Variants in TYRO3 observed in about 807,000 individuals in gnomAD.
The protein encoded by TYRO3 is tyrosine-protein kinase receptor TYRO3.
TYRO3 carries 38 observed loss-of-function variants against 95.2 expected under a neutral mutation model. The observed-to-expected ratio is 0.40, with a 90% CI of 0.31 to 0.52. The LOEUF is 0.52. TYRO3 is among the 20% of genes least tolerant of loss of function. The pLI, the probability that TYRO3 is intolerant of heterozygous loss-of-function variation, is 0.56. For missense variants in TYRO3, 812 were observed against 1,116.4 expected, an observed-to-expected ratio of 0.73 and a Z score of 3.89; for synonymous variants, 367 against 432.9, an observed-to-expected ratio of 0.85 and a Z score of 1.89.
rs1433395738 is a variant in TYRO3, at chr15:41,561,140, G to A, written c.138G>A (p.Met46Ile). The change falls in exon 2 of 19, where the codon ATG becomes ATA. Residue 46 changes from methionine (M) to isoleucine (I), a missense_variant. Met to Ile is a conservative substitution (Grantham distance 10). Coordinates refer to ENST00000263798, the MANE Select transcript of TYRO3 (RefSeq NM_006293.4). Reference sequence around the variant, plus strand: ...CCCACCCCTCAGGTCTGAAGCTCATGGGAGCCCCGGTGAAGCTGACAGTGT... The same window carrying A: ...CCCACCCCTCAGGTCTGAAGCTCATAGGAGCCCCGGTGAAGCTGACAGTGT... ...PESAAAGLKL[M>I]GAPVKLTVSQ... The A allele has an allele frequency of 1.7e-5, 27 of 1,614,044 alleles. No individual in the cohort carries two copies. The Admixed American group carries it at 4.5e-4, about 27-fold the overall frequency.
intron 6 of TYRO3, 149 bp downstream of exon 6, chr15:41,565,290 G>T (rs1009505676): frequency 6.6e-6 from 4 of 609,272 alleles, no homozygotes; most frequent in African/African-American, 5.5e-5. Context: ...ACAGGCCACT[G>T]TCTCTTATCA....
At chr15:41,560,016 C>T (rs1207486055) in intron 1 of TYRO3, among the ~76,000 whole-genome samples, 1 of 152,210 alleles carries the variant, frequency 6.6e-6, no homozygotes, top group Admixed American at 6.5e-5. Flanking sequence ...GCACGGTGCT[C>T]TCCAAGTTCC....
At chr15:41,570,545 G>T (rs2055782315) in intron 11 of TYRO3, 59 bp from the exon 12 acceptor site, 1 of 1,434,520 alleles carries the variant, frequency 7.0e-7, no homozygotes, top group Non-Finnish European at 9.6e-7. Flanking sequence ...GGGTATAAGA[G>T]GCTGGGTTTT....
intron 3 of TYRO3, 60 bp from the exon 4 acceptor site, chr15:41,562,487 AT>A: frequency 6.9e-7 from 1 of 1,458,848 alleles, no homozygotes; most frequent in Non-Finnish European, 9.3e-7. Context: ...CAGACTTGTG[AT>A]TTGTACAGTA....
chr15:41,561,664 G>A lies in TYRO3; in HGVS notation c.409+25G>A, dbSNP rs371691806. 1.6e-4 allele frequency: 198 copies of A among 1,216,156 alleles called. 1 individual carries two copies. Among genetic ancestry groups the A allele is most frequent in the Non-Finnish European group, 2.0e-4 (174 of 864,094 alleles). The allele number at this position is 1,216,156 out of a possible 1,614,324, so 75.3% of individuals were successfully genotyped here. The stretch of plus-strand genomic sequence containing the variant: ...GGTGAGGAGGCAGAGCCATATGGGC[G>A]TGTTGGCCTGGAGCACGTGCTGTCT... On this transcript the variant is annotated intron_variant, in intron 3 of 18. Coordinates refer to ENST00000263798, the MANE Select transcript of TYRO3 (RefSeq NM_006293.4).
Position 41,559,384 on chromosome 15 carries a change from A to G in TYRO3, c.124+3A>G. Reference sequence around the variant, plus strand: ...GCTCCCGGAGTCCGCCGCCGCAGGTAGGGGCTGGCACGGGAGGCGGCGGGA... The same window carrying G: ...GCTCCCGGAGTCCGCCGCCGCAGGTGGGGGCTGGCACGGGAGGCGGCGGGA... On this transcript the variant is annotated splice_donor_region_variant and intron_variant, in intron 1 of 18. Transcript: ENST00000263798. The G allele has an allele frequency of 3.3e-6, 1 of 300,900 alleles. No individual in the cohort carries two copies. 18.6% of individuals were successfully genotyped at this position (300,900 alleles called of 1,614,324 possible). A position where few individuals can be genotyped will look rare whatever the true frequency, so the allele number is the denominator to read the frequency against.
chr15:41,567,006 CA>C (rs2055731732), intron 6 of TYRO3, among the ~76,000 whole-genome samples: 1 of 152,090 alleles, frequency 6.6e-6, no homozygotes. Flanking sequence ...TAAACAGGCA[CA>C]GTAAGTGGTA....
intron 7 of TYRO3, 99 bp downstream of exon 7, chr15:41,567,636 C>A: frequency 8.7e-7 from 1 of 1,153,686 alleles, no homozygotes; most frequent in Non-Finnish European, 1.1e-6. Context: ...GATGGAGGTT[C>A]AGGCATCATT....
Position 41,583,300 on chromosome 15 carries a change from T to G in TYRO3, c.*5024T>G, listed in dbSNP as rs1353810264. The G allele has an allele frequency of 1.3e-5, 2 of 152,104 alleles. No homozygotes were observed. The highest frequency in any genetic ancestry group is 1.9e-4 in the East Asian group (1 of 5,178). 9.4% of individuals were successfully genotyped at this position (152,104 alleles called of 1,614,324 possible). On this transcript the variant is annotated 3_prime_UTR_variant, in exon 19 of 19. Coordinates refer to ENST00000263798, the MANE Select transcript of TYRO3 (RefSeq NM_006293.4). The stretch of plus-strand genomic sequence containing the variant: ...CTTCAGCCACCGCGCCCGGCCCAGT[T>G]TTTAAGTGTTGTAGAGATGGAGTCT...
intron 4 of TYRO3, among the ~76,000 whole-genome samples, chr15:41,563,295 T>C (rs561253270): frequency 1.3e-5 from 2 of 152,204 alleles, no homozygotes; most frequent in Non-Finnish European, 2.9e-5. Flanking sequence ...CCCAAGTTTC[T>C]TGGGCACATA....
Position 41,568,248 on chromosome 15 carries a change from C to T in TYRO3, c.993C>T (p.Ala331=), listed in dbSNP as rs375950983. Residue 331 remains alanine, a synonymous_variant, in exon 8 of 19, where the codon GCC becomes GCT. Coordinates refer to ENST00000263798, the MANE Select transcript of TYRO3 (RefSeq NM_006293.4). ...APASAPQNLH[A]IRTDSGLILE... is the part of the protein sequence containing the mutation. ...CCAGCGCTCCCCAAAACCTCCATGCCATCCGCACAGATTCAGGCCTCATCT... is the reference window on the plus strand; with the variant it reads ...CCAGCGCTCCCCAAAACCTCCATGCTATCCGCACAGATTCAGGCCTCATCT... 20 of 1,612,860 alleles carry T rather than the reference C, an allele frequency of 1.2e-5. No homozygotes were observed. Among genetic ancestry groups the T allele is most frequent in the Non-Finnish European group, 1.6e-5 (19 of 1,180,010 alleles).
In TYRO3 at chr15:41,562,626, T is replaced by A; in HGVS notation, c.488T>A (p.Val163Glu). The change falls in exon 4 of 19, where the codon GTG (valine) becomes GAG (glutamate). Residue 163 changes from valine to glutamate, a missense_variant. Transcript: ENST00000263798. Reference protein sequence around the residue: ...NAPFQLSCEAVGPPEPVTIVW... With the variant: ...NAPFQLSCEAEGPPEPVTIVW... ...CCTTTCCAACTGTCTTGTGAGGCTG[T>A]GGGTCCCCCTGAACCTGTTACCATT... 2.5e-6 allele frequency: 4 copies of A among 1,614,062 alleles called. No individual in the cohort carries two copies. Among genetic ancestry groups the A allele is most frequent in the Non-Finnish European group, 3.4e-6 (4 of 1,180,052 alleles).
chr15:41,564,720 C>T, intron 5 of TYRO3: 1 of 408,652 alleles, frequency 2.4e-6, no homozygotes, highest in South Asian at 2.6e-5. Context: ...CCTGTCTCTC[C>T]CTTGTATCTC....
In TYRO3 at chr15:41,567,494, C is replaced by A; in HGVS notation, c.918C>A (p.Pro306=). Residue 306 remains proline, a synonymous_variant, in exon 7 of 19, where the codon CCC becomes CCA. Transcript: ENST00000263798. ...LRVRCANALG[P]SPYADWVPFQ... ...TGCGCTGTGCCAATGCCTTGGGGCC[C>A]TCTCCCTATGCTGACTGGGTGCCCT... The A allele has an allele frequency of 6.2e-7, 1 of 1,601,476 alleles. No individual in the cohort carries two copies. The highest frequency in any genetic ancestry group is 2.3e-5 in the East Asian group (1 of 43,210).
In TYRO3 at chr15:41,561,653, G is replaced by A; in HGVS notation, c.409+14G>A. On this transcript the variant is annotated intron_variant, in intron 3 of 18. Coordinates refer to ENST00000263798, the MANE Select transcript of TYRO3 (RefSeq NM_006293.4). ...TCACGGTAGAAGGTGAGGAGGCAGAGCCATATGGGCGTGTTGGCCTGGAGC... is the reference window on the plus strand; with the variant it reads ...TCACGGTAGAAGGTGAGGAGGCAGAACCATATGGGCGTGTTGGCCTGGAGC... 2.0e-6 allele frequency: 2 copies of A among 994,132 alleles called. No individual in the cohort carries two copies. Among genetic ancestry groups the A allele is most frequent in the Non-Finnish European group, 3.0e-6 (2 of 670,606 alleles). The allele number at this position is 994,132 out of a possible 1,614,324, so 61.6% of individuals were successfully genotyped here.
Position 41,568,966 on chromosome 15 carries a change from C to T in TYRO3, c.1196C>T (p.Ala399Val). ...ATCGTACGTGTGTGCGTCTCCAATGCAGTTGGCTGTGGACCCTGGAGTCAG... is the reference window on the plus strand; with the variant it reads ...ATCGTACGTGTGTGCGTCTCCAATGTAGTTGGCTGTGGACCCTGGAGTCAG... The part of the protein sequence containing the change: ...DLIVRVCVSN[A>V]VGCGPWSQPL... The change falls in exon 9 of 19, where the codon GCA (alanine) becomes GTA (valine). Residue 399 changes from alanine to valine, a missense_variant. Coordinates refer to ENST00000263798, the MANE Select transcript of TYRO3 (RefSeq NM_006293.4). 6.2e-7 allele frequency: 1 copy of T among 1,614,126 alleles called. No homozygotes were observed. Among genetic ancestry groups the T allele is most frequent in the Non-Finnish European group, 8.5e-7 (1 of 1,180,044 alleles).
chr15:41,560,955 C>T (rs769259020), intron 1 of TYRO3, among the ~76,000 whole-genome samples, 172 bp from the exon 2 acceptor site: 1 of 152,214 alleles, frequency 6.6e-6, no homozygotes, highest in Admixed American at 6.5e-5. Context: ...CCCTTCCCTT[C>T]GCCCAGGTCC....
In TYRO3 at chr15:41,571,557, C is replaced by A. The variant is rs769974628; in HGVS notation, c.1661-38C>A. On this transcript the variant is annotated intron_variant, in intron 13 of 18. Coordinates refer to ENST00000263798, the MANE Select transcript of TYRO3 (RefSeq NM_006293.4). ...GCCTGGGTCAAAACTAGGGGCACAT[C>A]TTGTTTTATTTCCTCCTTCCCCATC... is the stretch of plus-strand genomic sequence containing the variant. The A allele has an allele frequency of 4.2e-6, 6 of 1,428,750 alleles. 1 individual carries two copies. Among genetic ancestry groups the A allele is most frequent in the Admixed American group, 1.7e-5 (1 of 59,626 alleles). The allele number at this position is 1,428,750 out of a possible 1,614,324, so 88.5% of individuals were successfully genotyped here. A position where few individuals can be genotyped will look rare whatever the true frequency, so the allele number is the denominator to read the frequency against.
intron 5 of TYRO3, 38 bp downstream of exon 5, chr15:41,564,308 A>C: frequency 6.3e-7 from 1 of 1,586,438 alleles, no homozygotes; most frequent in Non-Finnish European, 8.7e-7. Context: ...GGATGAGGCC[A>C]GGGGCATTCC....
Sources: allele counts gnomAD v4.1 joint callset (sites outside exome capture counted in the v4.1 genomes callset), GRCh38; gene constraint gnomAD v4.1.1; transcripts MANE v1.5; gene names NCBI Gene and HGNC (gene_info 2026-07-23, HGNC 2026-07-21).